P2RY13: variants seen among roughly 807,000 people sequenced by gnomAD.
The protein encoded by P2RY13 is purinergic receptor P2Y13.
For missense variants in P2RY13, 412 were observed against 418.4 expected (o/e 0.98, Z 0.13); for synonymous variants, 150 against 155.1 (o/e 0.97, Z 0.24).
chr3:151,328,868 G>A lies in P2RY13; in HGVS notation c.188C>T (p.Thr63Ile). 6.2e-7 allele frequency: 1 copy of A among 1,614,058 alleles called. No individual in the cohort carries two copies. Among genetic ancestry groups the A allele is most frequent in the Non-Finnish European group, 8.5e-7 (1 of 1,179,946 alleles). The change falls in exon 2 of 2, where the codon ACT (threonine) becomes ATT (isoleucine). Residue 63 changes from threonine to isoleucine, a missense_variant. Coordinates refer to ENST00000325602, the MANE Select transcript of P2RY13 (RefSeq NM_176894.3). Reference protein sequence around the residue: ...VVFLTGILLNTLALWVFVHIP... With the variant: ...VVFLTGILLNILALWVFVHIP... ...GTGAACAAACACCCACAGAGCCAAAGTATTCAGCAGGATGCCGGTCAAGAA... is the reference window on the plus strand; with the variant it reads ...GTGAACAAACACCCACAGAGCCAAAATATTCAGCAGGATGCCGGTCAAGAA...
rs987493533 is a variant in P2RY13, at chr3:151,328,749, C to T, written c.307G>A (p.Asp103Asn). The change falls in exon 2 of 2, where the codon GAC becomes AAC. Residue 103 changes from aspartate (D) to asparagine (N), a missense_variant. Physicochemically the swap from Asp to Asn is conservative, Grantham distance 23. Transcript: ENST00000325602. Reference sequence around the variant, plus strand: ...AGCTGCCAGGGTGCCAGGTGTGAGTCAGAGAGGATTTTGAAAGGAAGCATG... The same window carrying T: ...AGCTGCCAGGGTGCCAGGTGTGAGTTAGAGAGGATTTTGAAAGGAAGCATG... ...TLMLPFKILS[D>N]SHLAPWQLRA... The T allele has an allele frequency of 1.7e-5, 28 of 1,613,800 alleles. No individual in the cohort carries two copies. The highest frequency in any genetic ancestry group is 2.1e-5 in the Non-Finnish European group (25 of 1,179,940).
chr3:151,328,496 G>T lies in P2RY13; in HGVS notation c.560C>A (p.Thr187Lys). The part of the protein sequence containing the change: ...PNTILSNKEA[T>K]PSSVKKCASL... ...AGCACACTTTTTCACAGACGATGGT[G>T]TTGCTTCCTTGTTGCTCAAGATCGT... The change falls in exon 2 of 2, where the codon ACA (threonine) becomes AAA (lysine). Residue 187 changes from threonine (T) to lysine (K), a missense_variant. Thr to Lys is a moderately conservative substitution (Grantham distance 78). Coordinates refer to ENST00000325602, the MANE Select transcript of P2RY13 (RefSeq NM_176894.3). 6.2e-7 allele frequency: 1 copy of T among 1,614,020 alleles called. No individual in the cohort carries two copies. Among genetic ancestry groups the T allele is most frequent in the Admixed American group, 1.7e-5 (1 of 59,966 alleles).
chr3:151,329,135 C>A (rs940453885), intron 1 of P2RY13, 128 bp from the exon 2 acceptor site: 1 of 663,670 alleles, frequency 1.5e-6, no homozygotes, highest in South Asian at 2.2e-5. Flanking sequence ...CCAACACTTT[C>A]AATAGATGTG....
In P2RY13 at chr3:151,327,815, A is replaced by G. The variant is rs1285484896; in HGVS notation, c.*176T>C. On this transcript the variant is annotated 3_prime_UTR_variant, in exon 2 of 2. Transcript: ENST00000325602. ...TGTTGCATTCTCTTAGTAATGGTTC[A>G]TTCAGCTTATGAATAGATCTATGTG... 1.1e-5 allele frequency: 5 copies of G among 451,262 alleles called. No homozygotes were observed. The highest frequency in any genetic ancestry group is 7.6e-5 in the Admixed American group (2 of 26,190). The allele number at this position is 451,262 out of a possible 1,614,324, so 28.0% of individuals were successfully genotyped here. A position where few individuals can be genotyped will look rare whatever the true frequency, so the allele number is the denominator to read the frequency against.
Position 151,328,668 on chromosome 3 carries a change from C to A in P2RY13, c.388G>T (p.Gly130Cys), listed in dbSNP as rs1560034274. The change falls in exon 2 of 2, where the codon GGC (glycine) becomes TGC (cysteine). Residue 130 changes from glycine (G) to cysteine (C), a missense_variant. Transcript: ENST00000325602. ...GCTATGAGCCCTAACAGCACGATGC[C>A]CACATACATGGTCTCATAAAATATC... Reference protein sequence around the residue: ...SVIFYETMYVGIVLLGLIAFD... With the variant: ...SVIFYETMYVCIVLLGLIAFD... 6.2e-7 allele frequency: 1 copy of A among 1,613,650 alleles called. No homozygotes were observed. The highest frequency in any genetic ancestry group is 8.5e-7 in the Non-Finnish European group (1 of 1,179,784).
In P2RY13 at chr3:151,328,907, AGG is replaced by A. The variant is rs1750016188; in HGVS notation, c.147_148del (p.Tyr51HisfsTer52). The A allele has an allele frequency of 6.2e-7, 1 of 1,613,920 alleles. No individual in the cohort carries two copies. Among genetic ancestry groups the A allele is most frequent in the Non-Finnish European group, 8.5e-7 (1 of 1,179,918 alleles). On this transcript the variant is annotated frameshift_variant, in exon 2 of 2. Coordinates refer to ENST00000325602, the MANE Select transcript of P2RY13 (RefSeq NM_176894.3). LOFTEE classifies it low-confidence loss of function (END_TRUNC). ...GCCGGTCAAGAAAACCACTGTGTAG[AGG>A]GCTGGGAATACCAGCTGTACTATCC...
chr3:151,329,262 C>T (rs1376226045), intron 1 of P2RY13, among the ~76,000 whole-genome samples: 11 of 152,044 alleles, frequency 7.2e-5, no homozygotes, highest in African/African-American at 2.7e-4. Flanking sequence ...ACAGGTTCTG[C>T]CTCATTCACA....
In P2RY13 at chr3:151,327,940, TTATC is replaced by T. The variant is rs745666599; in HGVS notation, c.*47_*50del. On this transcript the variant is annotated 3_prime_UTR_variant, in exon 2 of 2. Transcript: ENST00000325602. ...TTCTTGGTTAAATTTGATTTCCACATTATCTACGGAAGTCTCATCAATAAATAGA... is the reference window on the plus strand; with the variant it reads ...TTCTTGGTTAAATTTGATTTCCACATTACGGAAGTCTCATCAATAAATAGA... 9.4e-6 allele frequency: 12 copies of T among 1,279,046 alleles called. No individual in the cohort carries two copies. In the African/African-American group the frequency reaches 1.5e-4, roughly 16 times the overall value. The allele number at this position is 1,279,046 out of a possible 1,614,324, so 79.2% of individuals were successfully genotyped here.
In P2RY13 at chr3:151,328,871, T is replaced by C; in HGVS notation, c.185A>G (p.Asn62Ser). Residue 62 changes from asparagine to serine, a missense_variant, in exon 2 of 2, where the codon AAT becomes AGT. Physicochemically the swap from Asn to Ser is conservative, Grantham distance 46. Coordinates refer to ENST00000325602, the MANE Select transcript of P2RY13 (RefSeq NM_176894.3). ...TVVFLTGILL[N>S]TLALWVFVHI... ...AACAAACACCCACAGAGCCAAAGTA[T>C]TCAGCAGGATGCCGGTCAAGAAAAC... The C allele has an allele frequency of 6.2e-7, 1 of 1,614,004 alleles. No individual in the cohort carries two copies. Among genetic ancestry groups the C allele is most frequent in the Non-Finnish European group, 8.5e-7 (1 of 1,179,944 alleles).
chr3:151,328,661 A>G lies in P2RY13; in HGVS notation c.395T>C (p.Val132Ala). 6.2e-7 allele frequency: 1 copy of G among 1,613,918 alleles called. No homozygotes were observed. Among genetic ancestry groups the G allele is most frequent in the Non-Finnish European group, 8.5e-7 (1 of 1,179,840 alleles). The change falls in exon 2 of 2, where the codon GTG becomes GCG. Residue 132 changes from valine (V) to alanine (A), a missense_variant. Physicochemically the swap from Val to Ala is moderately conservative, Grantham distance 64. Transcript: ENST00000325602. ...IFYETMYVGI[V>A]LLGLIAFDRF... Reference sequence around the variant, plus strand: ...GTCAAAGGCTATGAGCCCTAACAGCACGATGCCCACATACATGGTCTCATA... The same window carrying G: ...GTCAAAGGCTATGAGCCCTAACAGCGCGATGCCCACATACATGGTCTCATA...
In P2RY13 at chr3:151,327,947, C is replaced by T. The variant is rs754383321; in HGVS notation, c.*44G>A. On this transcript the variant is annotated 3_prime_UTR_variant, in exon 2 of 2. Coordinates refer to ENST00000325602, the MANE Select transcript of P2RY13 (RefSeq NM_176894.3). ...TTAAATTTGATTTCCACATTATCTACGGAAGTCTCATCAATAAATAGAAGT... is the reference window on the plus strand; with the variant it reads ...TTAAATTTGATTTCCACATTATCTATGGAAGTCTCATCAATAAATAGAAGT... 1.2e-5 allele frequency: 16 copies of T among 1,333,616 alleles called. No homozygotes were observed. The highest frequency in any genetic ancestry group is 1.6e-5 in the South Asian group (1 of 63,188). The allele number at this position is 1,333,616 out of a possible 1,614,324, so 82.6% of individuals were successfully genotyped here.
In P2RY13 at chr3:151,327,749, A is replaced by T; in HGVS notation, c.*242T>A. ...CTCTTGAAATTAAAAAAAAAAAAAA[A>T]GAAAGAAAGAAATAATGACCTCTAG... On this transcript the variant is annotated 3_prime_UTR_variant, in exon 2 of 2. Transcript: ENST00000325602. The T allele has an allele frequency of 6.1e-6, 2 of 327,636 alleles. No individual in the cohort carries two copies. Among genetic ancestry groups the T allele is most frequent in the East Asian group, 4.8e-5 (1 of 20,662 alleles). 20.3% of individuals were successfully genotyped at this position (327,636 alleles called of 1,614,324 possible).
chr3:151,328,478 T>G lies in P2RY13; in HGVS notation c.578A>C (p.Lys193Thr). 6.2e-7 allele frequency: 1 copy of G among 1,614,022 alleles called. No homozygotes were observed. The highest frequency in any genetic ancestry group is 1.3e-5 in the African/African-American group (1 of 75,036). Residue 193 changes from lysine to threonine, a missense_variant, in exon 2 of 2, where the codon AAG becomes ACG. Transcript: ENST00000325602. ...CAGAGGCCCCTTTAAGGAAGCACAC[T>G]TTTTCACAGACGATGGTGTTGCTTC... ...NKEATPSSVK[K>T]CASLKGPLGL...
chr3:151,328,620 T>A lies in P2RY13; in HGVS notation c.436A>T (p.Ile146Phe). Residue 146 changes from isoleucine to phenylalanine, a missense_variant, in exon 2 of 2, where the codon ATC becomes TTC. Ile to Phe is a conservative substitution (Grantham distance 21). Coordinates refer to ENST00000325602, the MANE Select transcript of P2RY13 (RefSeq NM_176894.3). Reference sequence around the variant, plus strand: ...AGAAAAATATTTCTCAAAGGTCTGATGATCTTGAGGAATCTGTCAAAGGCT... The same window carrying A: ...AGAAAAATATTTCTCAAAGGTCTGAAGATCTTGAGGAATCTGTCAAAGGCT... ...LIAFDRFLKI[I>F]RPLRNIFLKK... 1 of 1,613,864 alleles carries A rather than the reference T, an allele frequency of 6.2e-7. No homozygotes were observed. The highest frequency in any genetic ancestry group is 1.1e-5 in the South Asian group (1 of 91,068).
chr3:151,328,812 G>A lies in P2RY13; in HGVS notation c.244C>T (p.Leu82Phe). Residue 82 changes from leucine (L) to phenylalanine (F), a missense_variant, in exon 2 of 2, where the codon CTC (leucine) becomes TTC (phenylalanine). By Grantham distance (22) the Leu-to-Phe change is conservative (BLOSUM62 0). Transcript: ENST00000325602. ...IPSSSTFIIY[L>F]KNTLVADLIM... ...AAGTCGGCCACCAAAGTGTTTTTGA[G>A]GTAGATGATGAAGGTGGAGGAGCTG... 1 of 1,613,954 alleles carries A rather than the reference G, an allele frequency of 6.2e-7. No individual in the cohort carries two copies. The highest frequency in any genetic ancestry group is 2.2e-5 in the East Asian group (1 of 44,872).
chr3:151,328,903 G>A lies in P2RY13; in HGVS notation c.153C>T (p.Tyr51=). The A allele has an allele frequency of 6.2e-7, 1 of 1,614,032 alleles. No homozygotes were observed. The highest frequency in any genetic ancestry group is 8.5e-7 in the Non-Finnish European group (1 of 1,179,914). Residue 51 remains tyrosine (Y), a synonymous_variant, in exon 2 of 2, where the codon TAC becomes TAT. Coordinates refer to ENST00000325602, the MANE Select transcript of P2RY13 (RefSeq NM_176894.3). ...GGATGCCGGTCAAGAAAACCACTGT[G>A]TAGAGGGCTGGGAATACCAGCTGTA... ...RIVQLVFPAL[Y]TVVFLTGILL...
At position 151,328,663 on chromosome 3, in the gene P2RY13, G is replaced by C; in HGVS notation, c.393C>G (p.Ile131Met). 6.2e-7 allele frequency: 1 copy of C among 1,613,778 alleles called. No homozygotes were observed. The highest frequency in any genetic ancestry group is 8.5e-7 in the Non-Finnish European group (1 of 1,179,726). Residue 131 changes from isoleucine to methionine, a missense_variant, in exon 2 of 2, where the codon ATC becomes ATG. By Grantham distance (10) the Ile-to-Met change is conservative. Coordinates refer to ENST00000325602, the MANE Select transcript of P2RY13 (RefSeq NM_176894.3). ...VIFYETMYVG[I>M]VLLGLIAFDR... Reference sequence around the variant, plus strand: ...CAAAGGCTATGAGCCCTAACAGCACGATGCCCACATACATGGTCTCATAAA... The same window carrying C: ...CAAAGGCTATGAGCCCTAACAGCACCATGCCCACATACATGGTCTCATAAA...
intron 1 of P2RY13, 111 bp from the exon 2 acceptor site, chr3:151,329,118 C>A (rs1451178470): frequency 6.8e-6 from 5 of 734,720 alleles, no homozygotes; most frequent in Non-Finnish European, 1.1e-5. Context: ...TAACATCCTG[C>A]ATTTATCCAA....
rs759235588 is a variant in P2RY13 at position 151,328,151 on chromosome 3, G to A, written c.905C>T (p.Thr302Ile). The change falls in exon 2 of 2, where the codon ACT becomes ATT. Residue 302 changes from threonine (T) to isoleucine (I), a missense_variant. By Grantham distance (89) the Thr-to-Ile change is moderately conservative. Transcript: ENST00000325602. ...AATGTTAGTTGCTGCCAAAAAGAGAGTTGTTTCTTTAGCAATAAACAGTTG... is the reference window on the plus strand; with the variant it reads ...AATGTTAGTTGCTGCCAAAAAGAGAATTGTTTCTTTAGCAATAAACAGTTG... ...QNQLFIAKET[T>I]LFLAATNICM... 3 of 1,612,732 alleles carry A rather than the reference G, an allele frequency of 1.9e-6. No individual in the cohort carries two copies. The highest frequency in any genetic ancestry group is 2.5e-6 in the Non-Finnish European group (3 of 1,179,512).
Sources: allele counts gnomAD v4.1 joint callset (sites outside exome capture counted in the v4.1 genomes callset), GRCh38; gene constraint gnomAD v4.1.1; transcripts MANE v1.5; gene names NCBI Gene and HGNC (gene_info 2026-07-23, HGNC 2026-07-21).